Variants in FUT8 observed in about 807,000 individuals in gnomAD.
FUT8 encodes the protein alpha-(1,6)-fucosyltransferase.
In FUT8, 29 loss-of-function variants were observed where a neutral mutation model predicts 71.3. The ratio of observed to expected loss-of-function variants is 0.41; its 90% CI spans 0.30 to 0.55. The LOEUF (loss-of-function observed/expected upper bound fraction) is 0.55. Ranked by LOEUF, FUT8 falls within the 20% of genes least tolerant of loss-of-function variation. The pLI, the probability that FUT8 is intolerant of heterozygous loss-of-function variation, is 0.34. For synonymous variants in FUT8, 254 were observed against 239.3 expected (o/e 1.06, Z -0.57); for missense variants, 544 against 702.1 (o/e 0.77, Z 2.55).
chr14:65,617,664 G>A (rs1219776235), intron 5 of FUT8, among the ~76,000 whole-genome samples: 3 of 152,132 alleles, frequency 2.0e-5, no homozygotes, highest in African/African-American at 7.2e-5. Flanking sequence ...GAGTAATTGG[G>A]CTGGGCGTGG....
chr14:65,570,131 G>A (rs186776151), intron 3 of FUT8, among the ~76,000 whole-genome samples: 22 of 152,122 alleles, frequency 1.4e-4, no homozygotes, highest in South Asian at 4.1e-4. Flanking sequence ...TGTAAATTTC[G>A]TAAGACTATG....
chr14:65,611,236 C>A (rs1594815523), intron 3 of FUT8, among the ~76,000 whole-genome samples: 3 of 3,362 alleles, frequency 8.9e-4, no homozygotes. Context: ...CACACACACA[C>A]ACACACACAC....
intron 7 of FUT8, among the ~76,000 whole-genome samples, chr14:65,692,850 G>A (rs1314908611): frequency 2.7e-5 from 4 of 147,528 alleles, no homozygotes; most frequent in South Asian, 2.2e-4. Flanking sequence ...GGGCAGAGGC[G>A]CTCCTCACAT....
intron 1 of FUT8, among the ~76,000 whole-genome samples, chr14:65,416,464 C>T (rs1443450878): frequency 6.6e-6 from 1 of 151,952 alleles, no homozygotes; most frequent in Non-Finnish European, 1.5e-5. Flanking sequence ...TATTATAGTA[C>T]TTTTGTACCC....
intron 1 of FUT8, among the ~76,000 whole-genome samples, chr14:65,450,778 T>C (rs1039387178): frequency 5.9e-5 from 9 of 152,252 alleles, no homozygotes; most frequent in African/African-American, 2.2e-4. Context: ...TTTTTTTCTA[T>C]TACGTAATGA....
chr14:65,672,607 G>A (rs1892525547), intron 7 of FUT8, among the ~76,000 whole-genome samples: 5 of 152,106 alleles, frequency 3.3e-5, no homozygotes, highest in Admixed American at 2.6e-4. Context: ...CTACAGGCAT[G>A]CTCCATCATG....
At chr14:65,434,453 A>G (rs548315572) in intron 1 of FUT8, among the ~76,000 whole-genome samples, 1 of 152,356 alleles carries the variant, frequency 6.6e-6, no homozygotes, top group Middle Eastern at 3.4e-3. Context: ...AGAACCACAC[A>G]AATCGGGGGT....
chr14:65,471,876 C>T (rs923905535), intron 2 of FUT8, among the ~76,000 whole-genome samples: 2 of 151,978 alleles, frequency 1.3e-5, no homozygotes, highest in South Asian at 4.2e-4. Context: ...AGACTTATTA[C>T]AGTATCCTTT....
intron 7 of FUT8, among the ~76,000 whole-genome samples, chr14:65,674,379 C>T (rs535909089): frequency 1.3e-5 from 2 of 152,252 alleles, no homozygotes; most frequent in South Asian, 4.2e-4. Flanking sequence ...CAGTTTAGCT[C>T]TTTAAAAAAC....
rs67348217 is a variant in FUT8, at chr14:65,729,526, C to CTT, written c.1260-3687_1260-3686dup. 6.0e-4 allele frequency among the ~76,000 whole-genome samples: 86 copies of CTT among 142,218 alleles called. 1 individual carries two copies. The highest frequency in any genetic ancestry group is 1.9e-3 in the African/African-American group (69 of 37,262). 93.3% of individuals were successfully genotyped at this position (142,218 alleles called of 152,430 possible). On this transcript the variant is annotated intron_variant, in intron 9 of 10. Coordinates refer to ENST00000673929, the MANE Select transcript of FUT8 (RefSeq NM_001371533.1). Reference sequence around the variant, plus strand: ...AAGTATTTAGATGCAAGGATATAAACTTTTTTTTTTTTTTTTTTTAAATAC... The same window carrying CTT: ...AAGTATTTAGATGCAAGGATATAAACTTTTTTTTTTTTTTTTTTTTTAAATAC...
intron 7 of FUT8, among the ~76,000 whole-genome samples, chr14:65,709,227 A>T (rs1211759452): frequency 2.0e-5 from 3 of 152,164 alleles, no homozygotes; most frequent in Non-Finnish European, 2.9e-5. Context: ...CTAGGGTCTG[A>T]TCTTGGCCGT....
chr14:65,738,381 A>C (rs1203627809), intron 10 of FUT8, among the ~76,000 whole-genome samples: 1 of 152,056 alleles, frequency 6.6e-6, no homozygotes, highest in Non-Finnish European at 1.5e-5. Context: ...GCTACTTCTA[A>C]GGGATGAAAT....
At chr14:65,623,031 T>C (rs977849036) in intron 5 of FUT8, among the ~76,000 whole-genome samples, 2 of 151,652 alleles carry the variant, frequency 1.3e-5, no homozygotes, top group African/African-American at 4.8e-5. Flanking sequence ...GCTGGGACTA[T>C]AGGCGTGTGT....
chr14:65,530,519 C>G (rs1210193406), intron 2 of FUT8, among the ~76,000 whole-genome samples: 1 of 152,108 alleles, frequency 6.6e-6, no homozygotes, highest in East Asian at 1.9e-4. Flanking sequence ...TCACCCATTT[C>G]AAAGTGAGTT....
intron 2 of FUT8, among the ~76,000 whole-genome samples, chr14:65,468,635 C>T (rs2066085638): frequency 6.6e-6 from 1 of 152,054 alleles, no homozygotes; most frequent in Non-Finnish European, 1.5e-5. Context: ...TGCAGCTTCA[C>T]TATCATTTGC....
chr14:65,372,386 A>C, the FUT8 span, among the ~76,000 whole-genome samples: 1 of 152,020 alleles, frequency 6.6e-6, no homozygotes, highest in Admixed American at 6.6e-5. Flanking sequence ...AAACTATCTT[A>C]GTTTCATAAC....
chr14:65,526,321 C>T (rs544223642), intron 2 of FUT8, among the ~76,000 whole-genome samples: 10 of 152,186 alleles, frequency 6.6e-5, no homozygotes, highest in South Asian at 6.2e-4. Context: ...ATGTAATGGC[C>T]GTCTTTGTGT....
chr14:65,659,043 A>G (rs1189637970), intron 6 of FUT8, among the ~76,000 whole-genome samples: 1 of 152,108 alleles, frequency 6.6e-6, no homozygotes, highest in African/African-American at 2.4e-5. Context: ...TTGGCAGTTT[A>G]TTATGGATCT....
At chr14:65,606,449 A>T (rs984753488) in intron 3 of FUT8, among the ~76,000 whole-genome samples, 4 of 151,844 alleles carry the variant, frequency 2.6e-5, no homozygotes, top group Non-Finnish European at 4.4e-5. Flanking sequence ...TTAAAAAAAA[A>T]TCTTATTTAA....
Sources: gnomAD v4.1 joint callset for allele counts (sites outside exome capture counted in the v4.1 genomes callset) on GRCh38, gnomAD v4.1.1 for gene constraint, MANE v1.5 for transcripts, NCBI Gene and HGNC (gene_info 2026-07-23, HGNC 2026-07-21) for gene names.